FBH1: variants seen among roughly 807,000 people sequenced by gnomAD.
The protein encoded by FBH1 is F-box DNA helicase 1, also known as DNA 3'-5' helicase 1.
Under a neutral mutation model 115.5 loss-of-function variants are expected in FBH1, and 43 were observed. That is an observed-to-expected ratio of 0.37 (90% CI 0.29 to 0.48). The LOEUF (loss-of-function observed/expected upper bound fraction) is 0.48, where lower values mean the gene tolerates loss of function less well. Among genes scored for constraint, FBH1 ranks in the 20% least tolerant of loss-of-function variants. FBH1 has a pLI of 0.99. For missense variants in FBH1, 1,001 were observed against 1,337.3 expected, an observed-to-expected ratio of 0.75 and a Z score of 3.92; for synonymous variants, 524 against 507.8, an observed-to-expected ratio of 1.03 and a Z score of -0.43.
At chr10:5,893,495 T>G (rs1393171576) in intron 1 of FBH1, among the ~76,000 whole-genome samples, 1 of 152,226 alleles carries the variant, frequency 6.6e-6, no homozygotes, top group Non-Finnish European at 1.5e-5. Flanking sequence ...ACCTCTTGTT[T>G]TGATGAAGCC....
At position 5,909,787 on chromosome 10, in the gene FBH1, G is replaced by A. The variant is rs1305113828; in HGVS notation, c.1020+493G>A. On this transcript the variant is annotated intron_variant, in intron 5 of 20. Coordinates refer to ENST00000362091, the MANE Select transcript of FBH1 (RefSeq NM_178150.3). This position sits in a 1 kb window ranked among gnomAD's most constrained non-coding sequence, Gnocchi z 4.4. ...TCAGGGATTCCCAGATTTTATCTTCGAAGCTACGTGCAACCTCTGCGTGTG... is the reference window on the plus strand; with the variant it reads ...TCAGGGATTCCCAGATTTTATCTTCAAAGCTACGTGCAACCTCTGCGTGTG... 2.6e-5 allele frequency among the ~76,000 whole-genome samples: 4 copies of A among 152,134 alleles called. No homozygotes were observed. The highest frequency in any genetic ancestry group is 4.4e-5 in the Non-Finnish European group (3 of 68,026).
intron 1 of FBH1, among the ~76,000 whole-genome samples, chr10:5,891,854 T>C (rs1842755324): frequency 6.6e-6 from 1 of 152,072 alleles, no homozygotes; most frequent in African/African-American, 2.4e-5. Context: ...CTCAAGTAAT[T>C]CACCCAGCTC....
Position 5,895,063 on chromosome 10 carries a change from T to C in FBH1, c.1+4717T>C, listed in dbSNP as rs747783372. On this transcript the variant is annotated intron_variant, in intron 1 of 20. Coordinates refer to ENST00000362091, the MANE Select transcript of FBH1 (RefSeq NM_178150.3). The surrounding 1 kb of genome is among the most constrained non-coding windows in gnomAD (Gnocchi z 5.0). ...GCCATTCCCGTTTCACAGGCTGCCA[T>C]TGGACCTGTCAAGTGCCTGAGTCAT... The C allele has an allele frequency of 3.7e-6, 6 of 1,612,382 alleles. No individual in the cohort carries two copies. Among genetic ancestry groups the C allele is most frequent in the East Asian group, 2.2e-5 (1 of 44,838 alleles).
chr10:5,921,688 C>G lies in FBH1; in HGVS notation c.2322+119C>G. ...CAAGAAAGCATTTGGGTTTTTGACT[C>G]TTTCCACCAGGCTGCACCATGAGTG... On this transcript the variant is annotated intron_variant, in intron 15 of 20. Transcript: ENST00000362091. The surrounding 1 kb of genome is among the most constrained non-coding windows in gnomAD (Gnocchi z 6.4). 8 of 1,352,738 alleles carry G rather than the reference C, an allele frequency of 5.9e-6. No homozygotes were observed. Among genetic ancestry groups the G allele is most frequent in the Non-Finnish European group, 8.0e-6 (8 of 1,003,572 alleles). The allele number at this position is 1,352,738 out of a possible 1,614,324, so 83.8% of individuals were successfully genotyped here.
rs191067323 is a variant in FBH1 at position 5,921,694 on chromosome 10, A to G, written c.2322+125A>G. ...AGCATTTGGGTTTTTGACTCTTTCC[A>G]CCAGGCTGCACCATGAGTGGTCTCT... is the stretch of plus-strand genomic sequence containing the variant. On this transcript the variant is annotated intron_variant, in intron 15 of 20. Coordinates refer to ENST00000362091, the MANE Select transcript of FBH1 (RefSeq NM_178150.3). The surrounding 1 kb of genome is among the most constrained non-coding windows in gnomAD (Gnocchi z 6.4). The G allele has an allele frequency of 6.4e-5, 80 of 1,249,942 alleles. No individual in the cohort carries two copies. The African/African-American group carries it at 1.1e-3, about 17-fold the overall frequency. The allele number at this position is 1,249,942 out of a possible 1,614,324, so 77.4% of individuals were successfully genotyped here. A position where few individuals can be genotyped will look rare whatever the true frequency, so the allele number is the denominator to read the frequency against.
At chr10:5,920,162 T>A (rs778778120) in intron 13 of FBH1, among the ~76,000 whole-genome samples, 22 of 152,264 alleles carry the variant, frequency 1.4e-4, no homozygotes, top group Non-Finnish European at 2.2e-4. Context: ...TTCCAGAAGT[T>A]CCAGTCAGGC....
chr10:5,910,523 C>CTG lies in FBH1; in HGVS notation c.1021-414_1021-413dup, dbSNP rs565038305. On this transcript the variant is annotated intron_variant, in intron 5 of 20. Coordinates refer to ENST00000362091, the MANE Select transcript of FBH1 (RefSeq NM_178150.3). This position sits in a 1 kb window ranked among gnomAD's most constrained non-coding sequence, Gnocchi z 4.8. ...GCCTGCGTGCGGCCCTCTCCTGTGT[C>CTG]TGCGTCTCTCATGCCTCTTGGGTGG... Among the ~76,000 whole-genome samples, 110 of 152,270 alleles carry CTG rather than the reference C, an allele frequency of 7.2e-4. No individual in the cohort carries two copies. Among genetic ancestry groups the CTG allele is most frequent in the African/African-American group, 2.5e-3 (105 of 41,546 alleles).
intron 1 of FBH1, among the ~76,000 whole-genome samples, chr10:5,901,296 C>T (rs904905004): frequency 1.4e-4 from 21 of 152,042 alleles, no homozygotes; most frequent in East Asian, 1.9e-4. Context: ...CCTCAGCCTC[C>T]GGGGCATATG....
At chr10:5,922,416 TCTTTCATTAGTA>T (rs1320098309) in intron 15 of FBH1, among the ~76,000 whole-genome samples, 1 of 152,240 alleles carries the variant, frequency 6.6e-6, no homozygotes, top group African/African-American at 2.4e-5. Context: ...AGGCATATTT[TCTTTCATTAGTA>T]CTTTGATGAC....
At position 5,909,092 on chromosome 10, in the gene FBH1, A is replaced by C. The variant is rs368980793; in HGVS notation, c.884+37A>C. On this transcript the variant is annotated intron_variant, in intron 4 of 20. Coordinates refer to ENST00000362091, the MANE Select transcript of FBH1 (RefSeq NM_178150.3). The surrounding 1 kb of genome is among the most constrained non-coding windows in gnomAD (Gnocchi z 4.4). Reference sequence around the variant, plus strand: ...CTGTGCTGTAAAGAAGGCGTCTTTGAAGTCTTCCTTGTACATCAGTGCTTA... The same window carrying C: ...CTGTGCTGTAAAGAAGGCGTCTTTGCAGTCTTCCTTGTACATCAGTGCTTA... 2.3e-5 allele frequency: 37 copies of C among 1,613,704 alleles called. No homozygotes were observed. The highest frequency in any genetic ancestry group is 5.3e-5 in the African/African-American group (4 of 74,918).
At position 5,906,320 on chromosome 10, in the gene FBH1, T is replaced by A; in HGVS notation, c.441T>A (p.Ala147=). Residue 147 remains alanine (A), a synonymous_variant, in exon 3 of 21, where the codon GCT becomes GCA. Transcript: ENST00000362091. This position sits in a 1 kb window ranked among gnomAD's most constrained non-coding sequence, Gnocchi z 7.3. ...GGTGGGATGGAGTTTCTAAGAAAGC[T>A]CCACGGCACCATTTGTCTGTGCCAT... ...TSRWDGVSKK[A]PRHHLSVPCT... 1 of 1,614,204 alleles carries A rather than the reference T, an allele frequency of 6.2e-7. No individual in the cohort carries two copies. Among genetic ancestry groups the A allele is most frequent in the Non-Finnish European group, 8.5e-7 (1 of 1,180,024 alleles).
intron 1 of FBH1, chr10:5,891,046 G>T: frequency 2.0e-6 from 1 of 489,760 alleles, no homozygotes; most frequent in Non-Finnish European, 2.7e-6. Flanking sequence ...ACCCTATGAG[G>T]CATCAGTAGG....
In FBH1 at chr10:5,917,379, A is replaced by C. The variant is rs750223435; in HGVS notation, c.1789-41A>C. 36 of 1,563,118 alleles carry C rather than the reference A, an allele frequency of 2.3e-5. No homozygotes were observed. ...GTGACCGCAGGGTGCTGCCTTTGCCAGGGTCTCAAACTCTGGGTTACCATA... is the reference window on the plus strand; with the variant it reads ...GTGACCGCAGGGTGCTGCCTTTGCCCGGGTCTCAAACTCTGGGTTACCATA... On this transcript the variant is annotated intron_variant, in intron 10 of 20. Coordinates refer to ENST00000362091, the MANE Select transcript of FBH1 (RefSeq NM_178150.3). The surrounding 1 kb of genome is among the most constrained non-coding windows in gnomAD (Gnocchi z 5.6).
rs546375004 is a variant in FBH1 at position 5,910,052 on chromosome 10, C to T, written c.1020+758C>T. ...ATCCCAGCACTTTGTGAGGCCAAGG[C>T]GGGTGGATCACCTGAGGTCAGGAGT... On this transcript the variant is annotated intron_variant, in intron 5 of 20. Coordinates refer to ENST00000362091, the MANE Select transcript of FBH1 (RefSeq NM_178150.3). This position sits in a 1 kb window ranked among gnomAD's most constrained non-coding sequence, Gnocchi z 4.8. Among the ~76,000 whole-genome samples, 13 of 152,230 alleles carry T rather than the reference C, an allele frequency of 8.5e-5. No individual in the cohort carries two copies. The East Asian group carries it at 2.3e-3, about 27-fold the overall frequency.
chr10:5,915,431 G>C lies in FBH1; in HGVS notation c.1425G>C (p.Lys475Asn). Residue 475 changes from lysine to asparagine, a missense_variant, in exon 9 of 21, where the codon AAG becomes AAC. By Grantham distance (94) the Lys-to-Asn change is moderately conservative (BLOSUM62 0). Transcript: ENST00000362091. The surrounding 1 kb of genome is among the most constrained non-coding windows in gnomAD (Gnocchi z 5.2). ...AGTGKTSTLV[K>N]YAEKWSQSRF... ...CTGGGAAGACCTCAACGCTGGTCAA[G>C]TATGCAGAGAAGTGGTCTCAGAGCA... 6.2e-7 allele frequency: 1 copy of C among 1,614,264 alleles called. No individual in the cohort carries two copies. Among genetic ancestry groups the C allele is most frequent in the Non-Finnish European group, 8.5e-7 (1 of 1,180,042 alleles).
At position 5,933,102 on chromosome 10, in the gene FBH1, A is replaced by G. The variant is rs933485687; in HGVS notation, c.2830-3354A>G. On this transcript the variant is annotated intron_variant, in intron 19 of 20. Coordinates refer to ENST00000362091, the MANE Select transcript of FBH1 (RefSeq NM_178150.3). The surrounding 1 kb of genome is among the most constrained non-coding windows in gnomAD (Gnocchi z 4.9). Reference sequence around the variant, plus strand: ...CCACCAGTTGTATGCATAAGAGTGAAATAGGCCCGGCGCAGTAGCTCACAC... The same window carrying G: ...CCACCAGTTGTATGCATAAGAGTGAGATAGGCCCGGCGCAGTAGCTCACAC... Among the ~76,000 whole-genome samples the G allele has an allele frequency of 2.2e-4, 33 of 152,144 alleles. No individual in the cohort carries two copies. The highest frequency in any genetic ancestry group is 7.4e-5 in the Non-Finnish European group (5 of 68,016).
At chr10:5,907,041 C>T (rs908366836) in intron 3 of FBH1, among the ~76,000 whole-genome samples, 1 of 152,048 alleles carries the variant, frequency 6.6e-6, no homozygotes, top group Admixed American at 6.6e-5. Context: ...TGACTCACTG[C>T]AACCTCTGCC....
At chr10:5,927,652 G>A (rs1051459310) in intron 19 of FBH1, 111 bp downstream of exon 19, 2 of 753,824 alleles carry the variant, frequency 2.7e-6, no homozygotes, top group African/African-American at 3.5e-5. Context: ...TCCTGGGTTG[G>A]AAGAGAAACG....
chr10:5,921,378 T>C lies in FBH1; in HGVS notation c.2200+21T>C, dbSNP rs1241119347. 1.2e-6 allele frequency: 2 copies of C among 1,611,982 alleles called. No individual in the cohort carries two copies. The highest frequency in any genetic ancestry group is 1.3e-5 in the African/African-American group (1 of 74,668). On this transcript the variant is annotated intron_variant, in intron 14 of 20. Coordinates refer to ENST00000362091, the MANE Select transcript of FBH1 (RefSeq NM_178150.3). The surrounding 1 kb of genome is among the most constrained non-coding windows in gnomAD (Gnocchi z 6.4). The stretch of plus-strand genomic sequence containing the variant: ...TCAGAGTAAGGCTTTTAGTTACTCT[T>C]CTCTTTTGTGTTACAAAAGTTTTCC...
Sources: allele counts gnomAD v4.1 joint callset (sites outside exome capture counted in the v4.1 genomes callset), GRCh38; gene constraint gnomAD v4.1.1; non-coding constraint Gnocchi (gnomAD v3.1); transcripts MANE v1.5; gene names NCBI Gene and HGNC (gene_info 2026-07-23, HGNC 2026-07-21).